The following PGAP6 variants were observed in gnomAD, a reference collection of about 807,000 sequenced individuals.
PGAP6 encodes post-GPI attachment to proteins 6, also known as post-GPI attachment to proteins factor 6.
PGAP6 carries 62 observed loss-of-function variants against 68.4 expected under a neutral mutation model. That is an observed-to-expected ratio of 0.91 (90% CI 0.74 to 1.12). PGAP6 has a LOEUF of 1.12. PGAP6 is among the 50% of genes most tolerant of loss of function. The pLI is 0.00. For missense variants in PGAP6, 1,188 were observed against 1,068.5 expected (o/e 1.11, Z -1.56); for synonymous variants, 575 against 474.0 (o/e 1.21, Z -2.77).
chr16:378,898 C>G (rs1022165618), intron 1 of PGAP6, among the ~76,000 whole-genome samples: 1 of 152,208 alleles, frequency 6.6e-6, no homozygotes, highest in South Asian at 2.1e-4. Context: ...ACGCCTGGTG[C>G]GGGGATGGAG....
At chr16:375,470 AG>A in intron 6 of PGAP6, 35 bp from the exon 7 acceptor site, 1 of 1,596,400 alleles carries the variant, frequency 6.3e-7, no homozygotes, top group Non-Finnish European at 8.6e-7. Flanking sequence ...CAGCTCCAGC[AG>A]CCCCTGGCCG....
At position 376,792 on chromosome 16, in the gene PGAP6, G is replaced by A. The variant is rs759772953; in HGVS notation, c.656C>T (p.Thr219Met). ...SYLKVFVPDY[T>M]RELLLELRDC... ...CCGCAGCTCCAGCAGAAGCTCCCGCGTGTAATCGGGGACAAAGACCCTGCA... is the reference window on the plus strand; with the variant it reads ...CCGCAGCTCCAGCAGAAGCTCCCGCATGTAATCGGGGACAAAGACCCTGCA... The change falls in exon 5 of 13, where the codon ACG becomes ATG. Residue 219 changes from threonine to methionine, a missense_variant. By Grantham distance (81) the Thr-to-Met change is moderately conservative. Coordinates refer to ENST00000431232, the MANE Select transcript of PGAP6 (RefSeq NM_021259.3). 8.1e-6 allele frequency: 13 copies of A among 1,607,940 alleles called. No individual in the cohort carries two copies. The highest frequency in any genetic ancestry group is 2.2e-5 in the East Asian group (1 of 44,892).
rs770025532 is a variant in PGAP6 at position 372,258 on chromosome 16, T to G, written c.2045A>C (p.Gln682Pro). 3 of 1,610,946 alleles carry G rather than the reference T, an allele frequency of 1.9e-6. No individual in the cohort carries two copies. The highest frequency in any genetic ancestry group is 2.5e-6 in the Non-Finnish European group (3 of 1,179,802). The change falls in exon 13 of 13, where the codon CAG becomes CCG. Residue 682 changes from glutamine to proline, a missense_variant. Coordinates refer to ENST00000431232, the MANE Select transcript of PGAP6 (RefSeq NM_021259.3). ...MWAYRCGHRR[Q>P]CYPTSWQRWA... ...GCGCTGCCACGAGGTGGGGTAGCAC[T>G]GGCGCCGGTGCCCGCAGCGGTAAGC...
Position 376,795 on chromosome 16 carries a change from T to C in PGAP6, c.653A>G (p.Tyr218Cys). ...PSYLKVFVPD[Y>C]TRELLLELRD... ...CAGCTCCAGCAGAAGCTCCCGCGTG[T>C]AATCGGGGACAAAGACCCTGCAGCG... The change falls in exon 5 of 13, where the codon TAC (tyrosine) becomes TGC (cysteine). Residue 218 changes from tyrosine to cysteine, a missense_variant. Physicochemically the swap from Tyr to Cys is radical, Grantham distance 194 (BLOSUM62 -2). Transcript: ENST00000431232. 6.2e-7 allele frequency: 1 copy of C among 1,607,790 alleles called. No homozygotes were observed. The highest frequency in any genetic ancestry group is 2.0e-4 in the Middle Eastern group (1 of 5,044).
At chr16:379,143 C>T (rs2054417578) in intron 1 of PGAP6, among the ~76,000 whole-genome samples, 2 of 152,190 alleles carry the variant, frequency 1.3e-5, no homozygotes. Context: ...GTGGACACAG[C>T]AGGGGGCGGG....
upstream of PGAP6, chr16:382,108 T>TGGGGCGCGCGGGGGACGGACC (rs920500372): frequency 0.013 from 2,747 of 205,860 alleles, 74 homozygotes; most frequent in African/African-American, 0.082. Flanking sequence ...AGGGGTCACG[T>TGGGGCGCGCGGGGGACGGACC]GGGGCGCGCG....
intron 11 of PGAP6, 126 bp from the exon 12 acceptor site, chr16:372,853 C>CAGCTCTGCCAGCCTCTGACT: frequency 1.5e-6 from 1 of 651,046 alleles, no homozygotes; most frequent in Non-Finnish European, 2.7e-6. Flanking sequence ...ACCCTCAGAC[C>CAGCTCTGCCAGCCTCTGACT]AGCTCTGCCA....
upstream of PGAP6, among the ~76,000 whole-genome samples, chr16:385,877 G>A (rs2054481460): frequency 6.6e-6 from 1 of 151,970 alleles, no homozygotes; most frequent in African/African-American, 2.4e-5. Flanking sequence ...GCCCATCTCA[G>A]CCTCTCAAAG....
At chr16:386,818 CGAA>C (rs747356892), upstream of PGAP6, 19 of 678,200 alleles carry the variant, frequency 2.8e-5, no homozygotes, top group Admixed American at 3.3e-4. Context: ...GAAGCCAAAG[CGAA>C]GGCTTTAAAG....
rs762388950 is a variant in PGAP6, at chr16:374,297, G to T, written c.1679C>A (p.Ala560Asp). The part of the protein sequence containing the change: ...LLTLSNLMFL[A>D]PIAVSVRRFF... ...TCGCCGCACTGAGACGGCGATGGGGGCCAGGAACATGAGGTTGCTGAGCGT... is the reference window on the plus strand; with the variant it reads ...TCGCCGCACTGAGACGGCGATGGGGTCCAGGAACATGAGGTTGCTGAGCGT... Residue 560 changes from alanine (A) to aspartate (D), a missense_variant, in exon 10 of 13, where the codon GCC becomes GAC. By Grantham distance (126) the Ala-to-Asp change is moderately radical. Coordinates refer to ENST00000431232, the MANE Select transcript of PGAP6 (RefSeq NM_021259.3). 5 of 1,606,486 alleles carry T rather than the reference G, an allele frequency of 3.1e-6. No homozygotes were observed. The highest frequency in any genetic ancestry group is 4.2e-6 in the Non-Finnish European group (5 of 1,179,774).
At chr16:375,006 C>T (rs1011164818) in intron 8 of PGAP6, 114 bp from the exon 9 acceptor site, 1 of 1,577,296 alleles carries the variant, frequency 6.3e-7, no homozygotes, top group African/African-American at 1.3e-5. Context: ...CCCCAGCTTT[C>T]AGCAGCCCTG....
chr16:383,715 C>G (rs2054463494), upstream of PGAP6, among the ~76,000 whole-genome samples: 1 of 152,172 alleles, frequency 6.6e-6, no homozygotes. Flanking sequence ...TCAAAGGCAT[C>G]GAATGTCTGG....
At chr16:382,087 C>CG (rs1444748710), upstream of PGAP6, 3 of 289,480 alleles carry the variant, frequency 1.0e-5, no homozygotes, top group Admixed American at 6.5e-5. Flanking sequence ...CGTGGGGCGC[C>CG]GGTAGGGGGG....
rs760815675 is a variant in PGAP6 at position 374,127 on chromosome 16, C to T, written c.1780G>A (p.Gly594Arg). The T allele has an allele frequency of 1.9e-5, 30 of 1,611,072 alleles. No individual in the cohort carries two copies. Among genetic ancestry groups the T allele is most frequent in the Admixed American group, 8.3e-5 (5 of 59,992 alleles). Reference sequence around the variant, plus strand: ...CTGAGGATGCACAGCACCGCCTCCCCGGGCTGGTCGCAGGCGTGGTAGAAC... The same window carrying T: ...CTGAGGATGCACAGCACCGCCTCCCTGGGCTGGTCGCAGGCGTGGTAGAAC... The part of the protein sequence containing the change: ...STFYHACDQP[G>R]EAVLCILSYD... Residue 594 changes from glycine to arginine, a missense_variant, in exon 11 of 13, where the codon GGG becomes AGG. Transcript: ENST00000431232.
chr16:382,044 C>CGG (rs541482913), upstream of PGAP6: 329 of 472,786 alleles, frequency 7.0e-4, no homozygotes, highest in African/African-American at 5.8e-3. Context: ...GGGGCGGGAC[C>CGG]GGGGGGGGCG....
chr16:370,950 G>C lies in PGAP6; in HGVS notation c.*1037C>G, dbSNP rs2054326247. On this transcript the variant is annotated 3_prime_UTR_variant, in exon 13 of 13. Coordinates refer to ENST00000431232, the MANE Select transcript of PGAP6 (RefSeq NM_021259.3). ...GCTTAGAGATTGCTTTGGTGGTCAA[G>C]TGCAGGGCGGCTGGGGGAGGTAAGA... is the stretch of plus-strand genomic sequence containing the variant. 1 of 152,210 alleles carries C rather than the reference G, an allele frequency of 6.6e-6. No homozygotes were observed. Among genetic ancestry groups the C allele is most frequent in the South Asian group, 2.1e-4 (1 of 4,844 alleles). The allele number at this position is 152,210 out of a possible 1,614,324, so 9.4% of individuals were successfully genotyped here. A position where few individuals can be genotyped will look rare whatever the true frequency, so the allele number is the denominator to read the frequency against.
upstream of PGAP6, chr16:383,295 A>G (rs1169399630): frequency 6.6e-6 from 1 of 152,150 alleles, no homozygotes; most frequent in Non-Finnish European, 1.5e-5. Flanking sequence ...AACAGGTGAG[A>G]CTGTGGCCCA....
Position 374,264 on chromosome 16 carries a change from A to G in PGAP6, c.1712T>C (p.Leu571Pro). 1 of 1,608,052 alleles carries G rather than the reference A, an allele frequency of 6.2e-7. No individual in the cohort carries two copies. The highest frequency in any genetic ancestry group is 2.2e-5 in the East Asian group (1 of 44,850). The change falls in exon 10 of 13, where the codon CTG becomes CCG. Residue 571 changes from leucine to proline, a missense_variant. Physicochemically the swap from Leu to Pro is moderately conservative, Grantham distance 98. Transcript: ENST00000431232. The part of the protein sequence containing the change: ...PIAVSVRRFF[L>P]VEASVYAYTM... ...GTAGGCGTAGACGGAGGCCTCCACC[A>G]GGAAGAATCGCCGCACTGAGACGGC...
rs2054357626 is a variant in PGAP6 at position 374,078 on chromosome 16, T to C, written c.1829A>G (p.Asp610Gly). ...ILSYDTLQYC[D>G]FLGSGAAIWV... ...GATGGCCGCCCCGGAGCCCAAGAAG[T>C]CGCAGTACTGCAGCGTGTCGTAGCT... Residue 610 changes from aspartate to glycine, a missense_variant, in exon 11 of 13, where the codon GAC becomes GGC. By Grantham distance (94) the Asp-to-Gly change is moderately conservative (BLOSUM62 -1). Coordinates refer to ENST00000431232, the MANE Select transcript of PGAP6 (RefSeq NM_021259.3). 6.2e-7 allele frequency: 1 copy of C among 1,611,880 alleles called. No individual in the cohort carries two copies. Among genetic ancestry groups the C allele is most frequent in the South Asian group, 1.1e-5 (1 of 91,082 alleles).
Sources: allele counts gnomAD v4.1 joint callset (sites outside exome capture counted in the v4.1 genomes callset), GRCh38; gene constraint gnomAD v4.1.1; transcripts MANE v1.5; gene names NCBI Gene and HGNC (gene_info 2026-07-23, HGNC 2026-07-21).